Variants in LHFPL2 observed in about 807,000 individuals in gnomAD.
LHFPL2 encodes the protein LHFPL tetraspan subfamily member 2 protein.
Under a neutral mutation model 17.5 loss-of-function variants are expected in LHFPL2, and 7 were observed. That is an observed-to-expected ratio of 0.40 (90% CI 0.23 to 0.75). LHFPL2 has a LOEUF of 0.75. Among genes scored for constraint, LHFPL2 ranks in the 30% least tolerant of loss-of-function variants. The probability of loss-of-function intolerance (pLI) is 0.37; values close to 1 mark genes in which losing one functional copy is unlikely to be tolerated. For synonymous variants in LHFPL2, 134 were observed against 116.2 expected (o/e 1.15, Z -0.99); for missense variants, 241 against 294.8 (o/e 0.82, Z 1.34).
intron 2 of LHFPL2, among the ~76,000 whole-genome samples, chr5:78,581,946 T>C (rs1743161499): frequency 6.6e-6 from 1 of 152,226 alleles, no homozygotes; most frequent in Non-Finnish European, 1.5e-5. Flanking sequence ...GGTAAGCTAT[T>C]GATTATTGCC....
intron 4 of LHFPL2, among the ~76,000 whole-genome samples, chr5:78,501,773 G>A (rs1198648987): frequency 2.6e-5 from 4 of 152,120 alleles, no homozygotes; most frequent in Admixed American, 6.6e-5. Flanking sequence ...CAGGCTTAAC[G>A]TCGACATTTA....
At chr5:78,508,298 C>T (rs1394682148) in intron 4 of LHFPL2, among the ~76,000 whole-genome samples, 1 of 152,186 alleles carries the variant, frequency 6.6e-6, no homozygotes, top group Non-Finnish European at 1.5e-5. Flanking sequence ...GAATCCTGGT[C>T]TCCCAAATTC....
At chr5:78,544,587 G>C (rs1756212448) in intron 3 of LHFPL2, among the ~76,000 whole-genome samples, 1 of 152,184 alleles carries the variant, frequency 6.6e-6, no homozygotes, top group South Asian at 2.1e-4. Context: ...ATATGTAGCA[G>C]TTGTCTGAAT....
intron 3 of LHFPL2, among the ~76,000 whole-genome samples, chr5:78,560,797 G>GA (rs1347620680): frequency 6.6e-6 from 1 of 151,754 alleles, no homozygotes; most frequent in African/African-American, 2.4e-5. Context: ...CTTAAAAAAA[G>GA]AAAAAACCCA....
intron 4 of LHFPL2, among the ~76,000 whole-genome samples, chr5:78,500,652 G>A (rs888986328): frequency 1.3e-5 from 2 of 152,158 alleles, no homozygotes; most frequent in Non-Finnish European, 2.9e-5. Flanking sequence ...GCCACTCAGA[G>A]TCTGAATAAA....
intron 2 of LHFPL2, among the ~76,000 whole-genome samples, chr5:78,582,574 G>T (rs1743186748): frequency 6.6e-6 from 1 of 151,506 alleles, no homozygotes; most frequent in Non-Finnish European, 1.5e-5. Context: ...AGGTTGTTCA[G>T]TTTCCATGTA....
intron 2 of LHFPL2, among the ~76,000 whole-genome samples, chr5:78,574,819 T>C (rs1285050307): frequency 6.6e-6 from 1 of 152,222 alleles, no homozygotes; most frequent in Non-Finnish European, 1.5e-5. Flanking sequence ...TTACATGAAG[T>C]GAAGGCTATT....
At chr5:78,578,856 G>C (rs988272299) in intron 2 of LHFPL2, among the ~76,000 whole-genome samples, 1 of 152,120 alleles carries the variant, frequency 6.6e-6, no homozygotes, top group African/African-American at 2.4e-5. Context: ...TACCTGTCTT[G>C]TAACAAAGTA....
At chr5:78,530,965 C>G (rs1322511066) in intron 3 of LHFPL2, among the ~76,000 whole-genome samples, 1 of 152,194 alleles carries the variant, frequency 6.6e-6, no homozygotes, top group Non-Finnish European at 1.5e-5. Flanking sequence ...TAGGTTCCTA[C>G]CCAATACCCA....
In LHFPL2 at chr5:78,516,494, G is replaced by A. The variant is rs138848702; in HGVS notation, c.-185-6096C>T. On this transcript the variant is annotated intron_variant, in intron 3 of 4. Transcript: ENST00000380345. ...CTACTGGTATCTGGTGGACAGGGGC[G>A]CTGTCAAACAAAAATTACCTGGCCC... Among the ~76,000 whole-genome samples the A allele has an allele frequency of 2.7e-3, 406 of 152,158 alleles. 2 individuals carry two copies. Among genetic ancestry groups the A allele is most frequent in the African/African-American group, 9.4e-3 (388 of 41,494 alleles).
At chr5:78,555,066 A>T (rs1348111563) in intron 3 of LHFPL2, among the ~76,000 whole-genome samples, 1 of 152,218 alleles carries the variant, frequency 6.6e-6, no homozygotes, top group Non-Finnish European at 1.5e-5. Context: ...AAGCTGAAAA[A>T]CTAGCTAATA....
At chr5:78,595,688 A>T (rs1046206806) in intron 2 of LHFPL2, among the ~76,000 whole-genome samples, 1 of 151,810 alleles carries the variant, frequency 6.6e-6, no homozygotes, top group African/African-American at 2.4e-5. Flanking sequence ...ATTTTTTAAA[A>T]TTTTTTTTGT....
chr5:78,609,858 AAT>A (rs1334061855), intron 2 of LHFPL2, among the ~76,000 whole-genome samples: 1 of 151,874 alleles, frequency 6.6e-6, no homozygotes, highest in African/African-American at 2.4e-5. Context: ...AAAAAAAAAA[AAT>A]TCTTTTTGTG....
intron 2 of LHFPL2, among the ~76,000 whole-genome samples, chr5:78,616,257 G>C (rs1744605684): frequency 6.6e-6 from 1 of 152,076 alleles, no homozygotes; most frequent in African/African-American, 2.4e-5. Context: ...CTCCTGAGTA[G>C]CTGGGACTAC....
chr5:78,646,942 C>T (rs1014632298), intron 1 of LHFPL2, among the ~76,000 whole-genome samples: 3 of 152,150 alleles, frequency 2.0e-5, no homozygotes, highest in African/African-American at 4.8e-5. Flanking sequence ...CAAATGACTG[C>T]CCCTCCCCAT....
At chr5:78,521,225 C>G (rs1045594953) in intron 3 of LHFPL2, among the ~76,000 whole-genome samples, 4 of 152,174 alleles carry the variant, frequency 2.6e-5, no homozygotes, top group African/African-American at 9.7e-5. Context: ...ATAAAATTAA[C>G]GTGTGCTATT....
chr5:78,540,079 C>G (rs545501898), intron 3 of LHFPL2, among the ~76,000 whole-genome samples: 29 of 152,308 alleles, frequency 1.9e-4, no homozygotes, highest in African/African-American at 6.3e-4. Context: ...AGTGCACACA[C>G]GTACACAATT....
chr5:78,617,023 C>T (rs763164296), intron 2 of LHFPL2, among the ~76,000 whole-genome samples: 3 of 151,920 alleles, frequency 2.0e-5, no homozygotes, highest in Non-Finnish European at 2.9e-5. Flanking sequence ...TCTAGAGTTT[C>T]TCTTTTTTTT....
chr5:78,623,630 T>G (rs1293089313), intron 2 of LHFPL2, among the ~76,000 whole-genome samples: 2 of 152,164 alleles, frequency 1.3e-5, no homozygotes, highest in Admixed American at 6.5e-5. Flanking sequence ...GGCTCATAGC[T>G]GGGGAAGGTG....
Sources: gnomAD v4.1 joint callset for allele counts (sites outside exome capture counted in the v4.1 genomes callset) on GRCh38, gnomAD v4.1.1 for gene constraint, MANE v1.5 for transcripts, NCBI Gene and HGNC (gene_info 2026-07-23, HGNC 2026-07-21) for gene names.